GK: variants seen among roughly 807,000 people sequenced by gnomAD.
GK encodes ATP:glycerol 3-phosphotransferase.
Under a neutral mutation model 56.4 loss-of-function variants are expected in GK, and 9 were observed. That is an observed-to-expected ratio of 0.16 (90% CI 0.10 to 0.28). GK has a LOEUF of 0.28. Among genes scored for constraint, GK ranks in the 10% least tolerant of loss-of-function variants. The pLI is 1.00. For missense variants in GK, 161 were observed against 431.4 expected (o/e 0.37, Z 5.55); for synonymous variants, 104 against 144.1 (o/e 0.72, Z 1.99).
rs368743449 is a variant in GK, at chrX:30,662,809, T to TTCTCTCTC, written c.79-2684_79-2677dup. ...TCTCTTTCTTTCCTTCCTTCCTTCC[T>TTCTCTCTC]TCTCTCTCTCTCTCTCTCTCTCTCT... On this transcript the variant is annotated intron_variant, in intron 1 of 20. Transcript: ENST00000427190. 1.4e-3 allele frequency among the ~76,000 whole-genome samples: 88 copies of TTCTCTCTC among 62,273 alleles called. 1 individual carries two copies. Among genetic ancestry groups the TTCTCTCTC allele is most frequent in the Non-Finnish European group, 1.9e-3 (66 of 34,216 alleles). 54.1% of individuals were successfully genotyped at this position (62,273 alleles called of 115,157 possible).
At chrX:30,685,519 C>T (rs57729726) in intron 4 of GK, among the ~76,000 whole-genome samples, 224 of 111,929 alleles carry the variant, frequency 2.0e-3, no homozygotes, top group African/African-American at 6.6e-3. Context: ...TTAAGATCCA[C>T]TTATTTTCCG....
intron 13 of GK, among the ~76,000 whole-genome samples, chrX:30,708,919 A>G (rs1375720552): frequency 1.8e-5 from 2 of 111,747 alleles, no homozygotes; most frequent in African/African-American, 6.5e-5. Context: ...TAGAGTTAAA[A>G]CATTTTATTA....
chrX:30,678,557 G>T (rs1428159421), intron 4 of GK, among the ~76,000 whole-genome samples: 1 of 110,738 alleles, frequency 9.0e-6, no homozygotes, highest in Non-Finnish European at 1.9e-5. Flanking sequence ...TAATGTTATT[G>T]TATTATAAGA....
chrX:30,687,372 C>A (rs1369405030), intron 4 of GK, among the ~76,000 whole-genome samples: 6 of 111,564 alleles, frequency 5.4e-5, no homozygotes, highest in Non-Finnish European at 9.4e-5. Context: ...TCCCTTTCTG[C>A]TCCCTGCCTC....
Position 30,694,374 on chromosome X carries a change from CT to C in GK, c.415-25del, listed in dbSNP as rs749442155. On this transcript the variant is annotated intron_variant, in intron 5 of 20. Coordinates refer to ENST00000427190, the MANE Select transcript of GK (RefSeq NM_001205019.2). ...TTTAAACTGTTACACTTTTCATTTG[CT>C]AACTGAACTTCACAACTGTTTTAGT... 1.1e-5 allele frequency: 13 copies of C among 1,184,540 alleles called. No individual in the cohort carries two copies. The African/African-American group carries it at 1.8e-4, about 16-fold the overall frequency.
chrX:30,712,148 T>G (rs770611699), intron 13 of GK, among the ~76,000 whole-genome samples: 17 of 112,510 alleles, frequency 1.5e-4, no homozygotes, highest in African/African-American at 5.5e-4. Flanking sequence ...CATAGCTGTT[T>G]TTTTCATTGC....
intron 1 of GK, among the ~76,000 whole-genome samples, chrX:30,660,827 T>G (rs1209561328): frequency 9.7e-6 from 1 of 103,075 alleles, no homozygotes; most frequent in Non-Finnish European, 2.0e-5. Context: ...TTTTTTTTTT[T>G]TTCCGAGACG....
intron 1 of GK, among the ~76,000 whole-genome samples, chrX:30,662,691 T>C (rs551183808): frequency 9.2e-5 from 10 of 108,995 alleles, no homozygotes; most frequent in South Asian, 4.0e-4. Context: ...CTTTCTTTCT[T>C]TCTCTCTCTC....
chrX:30,715,551 G>A (rs1936574590), intron 13 of GK, among the ~76,000 whole-genome samples: 2 of 111,851 alleles, frequency 1.8e-5, no homozygotes, highest in South Asian at 7.4e-4. Context: ...TAAAGTATTG[G>A]ATCTTTATAC....
intron 1 of GK, among the ~76,000 whole-genome samples, chrX:30,658,371 A>G (rs1932459914): frequency 2.7e-5 from 3 of 110,179 alleles, no homozygotes; most frequent in Admixed American, 1.9e-4. Context: ...GCTGGAGTGC[A>G]GTGGCACGAT....
At chrX:30,670,843 CG>C (rs1433997446) in intron 3 of GK, among the ~76,000 whole-genome samples, 1 of 107,061 alleles carries the variant, frequency 9.3e-6, no homozygotes, top group Non-Finnish European at 1.9e-5. Flanking sequence ...ATTAGCCAGG[CG>C]TGGTCGTGGG....
intron 3 of GK, among the ~76,000 whole-genome samples, chrX:30,669,859 G>A (rs188938768): frequency 2.7e-5 from 3 of 112,133 alleles, no homozygotes; most frequent in East Asian, 5.6e-4. Context: ...ATACAATGGA[G>A]GTAATGCTTA....
At chrX:30,693,177 T>C (rs1226510841) in intron 5 of GK, among the ~76,000 whole-genome samples, 2 of 108,763 alleles carry the variant, frequency 1.8e-5, no homozygotes, top group Non-Finnish European at 3.8e-5. Context: ...CCACCATGCC[T>C]GGCTAATTTT....
At chrX:30,716,485 G>A (rs1936629817) in intron 13 of GK, among the ~76,000 whole-genome samples, 1 of 111,681 alleles carries the variant, frequency 9.0e-6, no homozygotes. Flanking sequence ...TTGATTTCAT[G>A]TTGAAATTTT....
At chrX:30,700,099 A>C (rs1381715544) in intron 9 of GK, 1 of 205,474 alleles carries the variant, frequency 4.9e-6, no homozygotes, top group African/African-American at 2.9e-5. Context: ...TTGTAGAGAA[A>C]TAATGTGATG....
chrX:30,702,683 G>T (rs1005012537), intron 11 of GK, among the ~76,000 whole-genome samples: 5 of 112,332 alleles, frequency 4.5e-5, no homozygotes, highest in African/African-American at 6.5e-5. Flanking sequence ...ACTACCTCCT[G>T]TATGGAAAAG....
At chrX:30,678,671 G>GTTT (rs35987506) in intron 4 of GK, among the ~76,000 whole-genome samples, 2 of 85,740 alleles carry the variant, frequency 2.3e-5, no homozygotes, top group African/African-American at 4.3e-5. Flanking sequence ...TTTCTGTGGT[G>GTTT]TTTTTTTTTT....
intron 16 of GK, among the ~76,000 whole-genome samples, 181 bp from the exon 17 acceptor site, chrX:30,720,440 T>TA (rs1371792114): frequency 9.0e-6 from 1 of 111,328 alleles, no homozygotes; most frequent in Non-Finnish European, 1.9e-5. Context: ...TGCAGAGGTG[T>TA]AGTGAGAGAA....
At chrX:30,702,791 CT>C (rs748961517) in intron 11 of GK, among the ~76,000 whole-genome samples, 67 of 112,543 alleles carry the variant, frequency 6.0e-4, no homozygotes, top group Non-Finnish European at 1.1e-3. Flanking sequence ...TAAGTTCTTC[CT>C]TTGTGAATAA....
Sources: allele counts gnomAD v4.1 joint callset (sites outside exome capture counted in the v4.1 genomes callset), GRCh38; gene constraint gnomAD v4.1.1; transcripts MANE v1.5; gene names NCBI Gene and HGNC (gene_info 2026-07-23, HGNC 2026-07-21).